Variants in CHCHD6 observed in about 807,000 individuals in gnomAD.
CHCHD6 encodes the protein coiled-coil-helix-coiled-coil-helix domain containing 6.
Under a neutral mutation model 32.3 loss-of-function variants are expected in CHCHD6, and 28 were observed. That is an observed-to-expected ratio of 0.87 (90% CI 0.64 to 1.19). CHCHD6 has a LOEUF of 1.19. Ranked by LOEUF, CHCHD6 falls within the 50% of genes most tolerant of loss-of-function variation. The pLI is 0.00. For missense variants in CHCHD6, 333 were observed against 307.0 expected (o/e 1.08, Z -0.63); for synonymous variants, 122 against 117.5 (o/e 1.04, Z -0.25).
intron 4 of CHCHD6, among the ~76,000 whole-genome samples, chr3:126,770,160 A>G (rs184461308): frequency 9.9e-5 from 15 of 152,272 alleles, no homozygotes; most frequent in African/African-American, 3.6e-4. Context: ...TTTTTGGTGT[A>G]TAGTAATGCT....
intron 5 of CHCHD6, among the ~76,000 whole-genome samples, chr3:126,861,795 C>T (rs1941892315): frequency 7.9e-6 from 1 of 125,794 alleles, no homozygotes; most frequent in African/African-American, 3.1e-5. Context: ...CCATCACCAC[C>T]TCCCCCTCCT....
chr3:126,958,739 G>A (rs2078821358), intron 7 of CHCHD6, among the ~76,000 whole-genome samples: 1 of 152,230 alleles, frequency 6.6e-6, no homozygotes, highest in Non-Finnish European at 1.5e-5. Flanking sequence ...GAAGCCCTGG[G>A]TAGGACAGGC....
At chr3:126,811,141 C>A (rs565451528) in intron 4 of CHCHD6, among the ~76,000 whole-genome samples, 1 of 152,104 alleles carries the variant, frequency 6.6e-6, no homozygotes, top group Non-Finnish European at 1.5e-5. Flanking sequence ...AATTTTAGTT[C>A]TTTGTGTGGC....
At chr3:126,854,886 A>T (rs1228076011) in intron 5 of CHCHD6, 3 of 152,272 alleles carry the variant, frequency 2.0e-5, no homozygotes, top group African/African-American at 7.2e-5. Flanking sequence ...GCTGGGTGGA[A>T]TCCTGCGGCC....
chr3:126,704,365 A>G lies in CHCHD6; in HGVS notation c.53A>G (p.Glu18Gly), dbSNP rs1373853302. 6.3e-7 allele frequency: 1 copy of G among 1,586,386 alleles called. No individual in the cohort carries two copies. Residue 18 changes from glutamate to glycine, a missense_variant, in exon 1 of 8, where the codon GAG (glutamate) becomes GGG (glycine). Glu to Gly is a moderately conservative substitution (Grantham distance 98). Transcript: ENST00000290913. ...CGCAGGGTGTCCTTCGGAGTGGACG[A>G]GGAGGAGCGGGTCCGGGTGCTGCAG... is the stretch of plus-strand genomic sequence containing the variant. Reference protein sequence around the residue: ...EGRRVSFGVDEEERVRVLQGV... With the variant: ...EGRRVSFGVDGEERVRVLQGV...
intron 5 of CHCHD6, among the ~76,000 whole-genome samples, chr3:126,866,024 A>C (rs1206301629): frequency 6.6e-6 from 1 of 152,142 alleles, no homozygotes; most frequent in Non-Finnish European, 1.5e-5. Context: ...GGGAGTGCAG[A>C]GAGAATCACA....
intron 5 of CHCHD6, among the ~76,000 whole-genome samples, chr3:126,894,280 T>C (rs2077806268): frequency 6.6e-6 from 1 of 152,182 alleles, no homozygotes; most frequent in African/African-American, 2.4e-5. Flanking sequence ...TCCTCTATGT[T>C]AGCCAGGAGC....
chr3:126,944,941 T>TGGGTGAGAG (rs2078613759), intron 6 of CHCHD6, among the ~76,000 whole-genome samples: 1 of 151,986 alleles, frequency 6.6e-6, no homozygotes, highest in Admixed American at 6.6e-5. Flanking sequence ...TGGCTGTGGG[T>TGGGTGAGAG]GGGTGAGAGG....
intron 7 of CHCHD6, among the ~76,000 whole-genome samples, chr3:126,958,800 G>A (rs771713317): frequency 1.3e-5 from 2 of 152,188 alleles, no homozygotes; most frequent in East Asian, 1.9e-4. Context: ...CTGCTTCCAC[G>A]TGGGCAGGAG....
intron 4 of CHCHD6, among the ~76,000 whole-genome samples, chr3:126,795,511 C>T (rs902826943): frequency 6.6e-6 from 1 of 152,068 alleles, no homozygotes; most frequent in Non-Finnish European, 1.5e-5. Context: ...GAATGTTTTC[C>T]AGGGTAATAT....
At chr3:126,742,182 C>T (rs1248496526) in intron 4 of CHCHD6, among the ~76,000 whole-genome samples, 1 of 152,216 alleles carries the variant, frequency 6.6e-6, no homozygotes, top group Non-Finnish European at 1.5e-5. Flanking sequence ...GTGGCACTCA[C>T]TGCATTCAGC....
intron 5 of CHCHD6, among the ~76,000 whole-genome samples, chr3:126,890,140 T>C (rs1034391558): frequency 6.6e-6 from 1 of 152,246 alleles, no homozygotes; most frequent in Non-Finnish European, 1.5e-5. Flanking sequence ...GCCAGCCGCC[T>C]GGAAAGTGGG....
intron 4 of CHCHD6, among the ~76,000 whole-genome samples, chr3:126,825,424 A>G (rs1463149690): frequency 3.9e-5 from 6 of 152,242 alleles, no homozygotes; most frequent in African/African-American, 1.4e-4. Context: ...GTATATGTCA[A>G]TTCGGTTGAC....
chr3:126,724,663 T>C (rs1395472856), intron 1 of CHCHD6, among the ~76,000 whole-genome samples: 2 of 152,216 alleles, frequency 1.3e-5, no homozygotes, highest in Non-Finnish European at 2.9e-5. Flanking sequence ...ACGATGCTGT[T>C]TGATAGCATT....
intron 5 of CHCHD6, among the ~76,000 whole-genome samples, chr3:126,866,786 A>G (rs1942302372): frequency 6.6e-6 from 1 of 152,252 alleles, no homozygotes; most frequent in East Asian, 1.9e-4. Context: ...AAGTACTTTC[A>G]TGCAAACCCC....
intron 4 of CHCHD6, among the ~76,000 whole-genome samples, chr3:126,796,303 T>A (rs1576426383): frequency 1.3e-5 from 2 of 152,150 alleles, no homozygotes; most frequent in African/African-American, 4.8e-5. Flanking sequence ...TGAGCTGAGA[T>A]CATGCCACTG....
chr3:126,902,044 G>A (rs1167768082), intron 5 of CHCHD6, among the ~76,000 whole-genome samples: 3 of 152,274 alleles, frequency 2.0e-5, no homozygotes, highest in African/African-American at 7.2e-5. Context: ...AAACTAGTGA[G>A]TGGAGAAACC....
chr3:126,935,872 A>ATTT (rs2078472783), intron 6 of CHCHD6, among the ~76,000 whole-genome samples: 1 of 152,266 alleles, frequency 6.6e-6, no homozygotes, highest in Admixed American at 6.5e-5. Context: ...AAATACCAGC[A>ATTT]TGAACATGCA....
At chr3:126,858,733 C>T (rs562472840) in intron 5 of CHCHD6, among the ~76,000 whole-genome samples, 1 of 152,342 alleles carries the variant, frequency 6.6e-6, no homozygotes, top group East Asian at 1.9e-4. Context: ...ACCCGGCCCG[C>T]TGGGCTCTTG....
Sources: gnomAD v4.1 joint callset for allele counts (sites outside exome capture counted in the v4.1 genomes callset) on GRCh38, gnomAD v4.1.1 for gene constraint, MANE v1.5 for transcripts, NCBI Gene and HGNC (gene_info 2026-07-23, HGNC 2026-07-21) for gene names.